The following DISP1 variants were observed in gnomAD, a reference collection of about 807,000 sequenced individuals.
DISP1 encodes protein dispatched homolog 1.
A neutral mutation model predicts 37.3 loss-of-function variants in DISP1; 30 were observed. The observed-to-expected ratio is 0.80, with a 90% CI of 0.60 to 1.09. The LOEUF is 1.09. Ranked by LOEUF, DISP1 falls within the 50% of genes least tolerant of loss-of-function variation. The pLI is 0.00. For missense variants in DISP1, 1,598 were observed against 1,879.5 expected (o/e 0.85, Z 2.77); for synonymous variants, 634 against 690.2 (o/e 0.92, Z 1.28).
At chr1:222,976,497 T>C (rs1677340034) in intron 3 of DISP1, among the ~76,000 whole-genome samples, 1 of 152,124 alleles carries the variant, frequency 6.6e-6, no homozygotes, top group Non-Finnish European at 1.5e-5. Flanking sequence ...TCCATTTGTA[T>C]AGAAACTTCA....
chr1:222,991,730 A>C, intron 6 of DISP1, 83 bp downstream of exon 6: 2 of 1,436,480 alleles, frequency 1.4e-6, no homozygotes, highest in Non-Finnish European at 1.9e-6. Flanking sequence ...TAAACAAAAA[A>C]TTTAAATGTA....
intron 1 of DISP1, among the ~76,000 whole-genome samples, chr1:222,897,857 A>G (rs756358168): frequency 6.6e-6 from 1 of 152,214 alleles, no homozygotes; most frequent in Admixed American, 6.5e-5. Flanking sequence ...TTAGTTAAAC[A>G]TACATGTAAT....
At chr1:222,873,649 A>G (rs1401348896) in intron 1 of DISP1, among the ~76,000 whole-genome samples, 1 of 151,572 alleles carries the variant, frequency 6.6e-6, no homozygotes, top group Non-Finnish European at 1.5e-5. Flanking sequence ...CCATCCCTTT[A>G]TTTTGAGCCT....
chr1:222,902,618 A>G (rs1671660275), intron 1 of DISP1, among the ~76,000 whole-genome samples: 1 of 152,098 alleles, frequency 6.6e-6, no homozygotes, highest in African/African-American at 2.4e-5. Context: ...GAAAAAAACA[A>G]CCCCATAAAA....
At chr1:222,901,092 C>T (rs900512321) in intron 1 of DISP1, among the ~76,000 whole-genome samples, 5 of 152,162 alleles carry the variant, frequency 3.3e-5, no homozygotes, top group African/African-American at 7.2e-5. Flanking sequence ...TCTCTAGAAA[C>T]GGTGGGATTG....
intron 1 of DISP1, among the ~76,000 whole-genome samples, chr1:222,915,023 G>A (rs887208043): frequency 5.9e-5 from 9 of 152,082 alleles, no homozygotes; most frequent in Non-Finnish European, 1.3e-4. Flanking sequence ...TAATAACAAT[G>A]ACTGAGCATT....
chr1:222,881,988 C>G (rs2125368372), intron 1 of DISP1, among the ~76,000 whole-genome samples: 1 of 152,212 alleles, frequency 6.6e-6, no homozygotes, highest in Non-Finnish European at 1.5e-5. Context: ...GTTAAGAAGA[C>G]TGGACCAACA....
intron 3 of DISP1, among the ~76,000 whole-genome samples, chr1:222,963,962 T>C (rs1183257865): frequency 1.3e-5 from 2 of 152,130 alleles, no homozygotes; most frequent in East Asian, 3.9e-4. Flanking sequence ...TACAAGTTAA[T>C]TTGGGGATTG....
chr1:222,975,080 T>C (rs577402786), intron 3 of DISP1, among the ~76,000 whole-genome samples: 1 of 152,156 alleles, frequency 6.6e-6, no homozygotes, highest in Non-Finnish European at 1.5e-5. Flanking sequence ...TATGCTTTCT[T>C]CATGGTGCAA....
intron 1 of DISP1, among the ~76,000 whole-genome samples, chr1:222,874,376 A>G (rs1336414453): frequency 1.3e-5 from 2 of 151,734 alleles, no homozygotes; most frequent in South Asian, 2.1e-4. Flanking sequence ...GTGTTTTCCA[A>G]CTTGGTTCCA....
At chr1:222,852,151 T>G (rs1209609659) in intron 1 of DISP1, among the ~76,000 whole-genome samples, 1 of 151,870 alleles carries the variant, frequency 6.6e-6, no homozygotes, top group Non-Finnish European at 1.5e-5. Flanking sequence ...GCCATCGCAC[T>G]CCAGCCTGGG....
chr1:222,881,675 A>G (rs1412326392), intron 1 of DISP1, among the ~76,000 whole-genome samples: 1 of 152,230 alleles, frequency 6.6e-6, no homozygotes, highest in Non-Finnish European at 1.5e-5. Context: ...GCCTACTGGC[A>G]TCAGGTAGAG....
intron 1 of DISP1, among the ~76,000 whole-genome samples, chr1:222,824,470 C>T (rs372427296): frequency 2.0e-5 from 3 of 152,292 alleles, no homozygotes; most frequent in South Asian, 4.1e-4. Flanking sequence ...TCAAAAGCAC[C>T]TTAAATGATT....
At chr1:222,836,493 G>T (rs972940762) in intron 1 of DISP1, among the ~76,000 whole-genome samples, 2 of 152,088 alleles carry the variant, frequency 1.3e-5, no homozygotes, top group Admixed American at 1.3e-4. Context: ...ATAGTGAAAA[G>T]AGCACTGCAA....
chr1:222,968,810 G>A (rs1022935733), intron 3 of DISP1, among the ~76,000 whole-genome samples: 1 of 152,008 alleles, frequency 6.6e-6, no homozygotes. Flanking sequence ...GCGCATGCCT[G>A]TAATCCCAGC....
intron 3 of DISP1, among the ~76,000 whole-genome samples, chr1:222,968,542 C>T (rs1676674340): frequency 6.6e-6 from 1 of 152,134 alleles, no homozygotes; most frequent in Non-Finnish European, 1.5e-5. Context: ...AAATTCAATC[C>T]CATAGCTGCA....
At chr1:222,949,690 G>A (rs922077506) in intron 3 of DISP1, among the ~76,000 whole-genome samples, 21 of 152,062 alleles carry the variant, frequency 1.4e-4, no homozygotes, top group Admixed American at 1.2e-3. Flanking sequence ...GCAGTGGCAC[G>A]ATCTCAGCTC....
rs943680811 is a variant in DISP1 at position 223,004,525 on chromosome 1, C to T, written c.3128C>T (p.Ser1043Leu). 1.8e-5 allele frequency: 29 copies of T among 1,614,110 alleles called. No individual in the cohort carries two copies. Among genetic ancestry groups the T allele is most frequent in the African/African-American group, 2.7e-5 (2 of 74,940 alleles). The change falls in exon 9 of 9, where the codon TCG becomes TTG. Residue 1043 changes from serine to leucine, a missense_variant. Coordinates refer to ENST00000675850, the MANE Select transcript of DISP1 (RefSeq NM_001377229.1). This position sits in a 1 kb window ranked among gnomAD's most constrained non-coding sequence, Gnocchi z 4.9. ...AATGTGTTGGAATCTGTCACCATTT[C>T]GGTTGCCGTCGGCTTGTCTGTAGAC... ...ELNVLESVTI[S>L]VAVGLSVDFA...
rs1679705575 is a variant in DISP1 at position 223,004,214 on chromosome 1, G to A, written c.2817G>A (p.Lys939=). Residue 939 remains lysine, a synonymous_variant, in exon 9 of 9, where the codon AAG becomes AAA. Transcript: ENST00000675850. The surrounding 1 kb of genome is among the most constrained non-coding windows in gnomAD (Gnocchi z 4.9). Reference sequence around the variant, plus strand: ...ACCTCTTCACACTGGCTTATGAAAAGATGCATCAGTTTTATAAAGAGGTGG... The same window carrying A: ...ACCTCTTCACACTGGCTTATGAAAAAATGCATCAGTTTTATAAAGAGGTGG... ...STYLFTLAYE[K]MHQFYKEVDS... is the part of the protein sequence containing the mutation. 2 of 1,614,178 alleles carry A rather than the reference G, an allele frequency of 1.2e-6. No homozygotes were observed. Among genetic ancestry groups the A allele is most frequent in the Non-Finnish European group, 1.7e-6 (2 of 1,180,034 alleles).
Sources: allele counts gnomAD v4.1 joint callset (sites outside exome capture counted in the v4.1 genomes callset), GRCh38; gene constraint gnomAD v4.1.1; non-coding constraint Gnocchi (gnomAD v3.1); transcripts MANE v1.5; gene names NCBI Gene and HGNC (gene_info 2026-07-23, HGNC 2026-07-21).